BMAL2: variants seen among roughly 807,000 people sequenced by gnomAD.
BMAL2 encodes the protein basic helix-loop-helix ARNT like 2, also known as basic helix-loop-helix ARNT-like protein 2.
chr12:27,368,124 T>A, the BMAL2 span: 8 of 998,130 alleles, frequency 8.0e-6, 1 homozygote, highest in Non-Finnish European at 1.1e-5. Flanking sequence ...ATTACAGGCA[T>A]GAGCCACAGC....
chr12:27,381,395 CT>C, the BMAL2 span, among the ~76,000 whole-genome samples: 2 of 152,126 alleles, frequency 1.3e-5, no homozygotes, highest in East Asian at 3.9e-4. Flanking sequence ...AGCATGGTGG[CT>C]TCTGCTTCTG....
the BMAL2 span, among the ~76,000 whole-genome samples, chr12:27,359,637 G>A: frequency 1.1e-4 from 17 of 152,020 alleles, no homozygotes; most frequent in Non-Finnish European, 2.2e-4. Flanking sequence ...AGCCATGATT[G>A]CACCGCTGCA....
At chr12:27,360,868 T>TTC in the BMAL2 span, among the ~76,000 whole-genome samples, 1 of 144,110 alleles carries the variant, frequency 6.9e-6, no homozygotes, top group African/African-American at 2.6e-5. Flanking sequence ...ACAAAGATTT[T>TTC]TCCGGGTTTG....
At chr12:27,352,592 C>A in the BMAL2 span, among the ~76,000 whole-genome samples, 1 of 152,058 alleles carries the variant, frequency 6.6e-6, no homozygotes, top group Non-Finnish European at 1.5e-5. Flanking sequence ...GCAGTCCTAG[C>A]CAGAGCAGTC....
the BMAL2 span, chr12:27,423,347 T>C: frequency 9.5e-6 from 1 of 105,758 alleles, no homozygotes; most frequent in Non-Finnish European, 2.0e-5. Context: ...TTTTTTTTTT[T>C]GAGATGGAGT....
the BMAL2 span, chr12:27,400,673 G>A: frequency 2.1e-4 from 334 of 1,613,992 alleles, 3 homozygotes; most frequent in South Asian, 2.9e-3. Flanking sequence ...GAAGATTACA[G>A]CCATATATTG....
the BMAL2 span, among the ~76,000 whole-genome samples, chr12:27,410,154 A>C: frequency 6.6e-6 from 1 of 151,988 alleles, no homozygotes. Context: ...GTGGGACTGT[A>C]AACTAGTTCA....
the BMAL2 span, among the ~76,000 whole-genome samples, chr12:27,377,788 A>G: frequency 1.3e-5 from 2 of 152,158 alleles, no homozygotes; most frequent in Non-Finnish European, 2.9e-5. Flanking sequence ...AGAACAAAGT[A>G]TGAGTAGATA....
the BMAL2 span, among the ~76,000 whole-genome samples, chr12:27,404,544 A>G: frequency 6.6e-6 from 1 of 152,194 alleles, no homozygotes; most frequent in Non-Finnish European, 1.5e-5. Context: ...CTAGACTCCA[A>G]CTTTATTCTT....
chr12:27,400,776 TA>T, the BMAL2 span: 2 of 1,601,810 alleles, frequency 1.2e-6, no homozygotes, highest in Non-Finnish European at 1.7e-6. Flanking sequence ...AGATCAAAGG[TA>T]AACATTTACA....
the BMAL2 span, among the ~76,000 whole-genome samples, chr12:27,370,405 T>C: frequency 1.3e-5 from 2 of 152,184 alleles, no homozygotes; most frequent in South Asian, 2.1e-4. Flanking sequence ...AATGAAATTA[T>C]GGATGTCAAA....
the BMAL2 span, chr12:27,368,386 CA>C: frequency 6.2e-7 from 1 of 1,614,058 alleles, no homozygotes; most frequent in Non-Finnish European, 8.5e-7. Flanking sequence ...CACGAAAACG[CA>C]AAGGAAGTGA....
At chr12:27,346,048 G>A in the BMAL2 span, among the ~76,000 whole-genome samples, 4 of 152,212 alleles carry the variant, frequency 2.6e-5, no homozygotes, top group African/African-American at 7.2e-5. Flanking sequence ...GAGAGACAAT[G>A]TGTGAACAAA....
At chr12:27,415,015 G>GA in the BMAL2 span, among the ~76,000 whole-genome samples, 15 of 150,620 alleles carry the variant, frequency 1.0e-4, no homozygotes, top group African/African-American at 1.5e-4. Flanking sequence ...CAGAATCTTA[G>GA]AAAAAAAAAG....
At chr12:27,369,730 A>G in the BMAL2 span, among the ~76,000 whole-genome samples, 1 of 152,248 alleles carries the variant, frequency 6.6e-6, no homozygotes, top group Non-Finnish European at 1.5e-5. Context: ...ATATAGAGGT[A>G]GCCCAGCTTC....
At chr12:27,420,630 G>A in the BMAL2 span, 1 of 1,296,356 alleles carries the variant, frequency 7.7e-7, no homozygotes, top group Admixed American at 2.8e-5. Context: ...GATATTGTTT[G>A]TATCTTTTAT....
the BMAL2 span, among the ~76,000 whole-genome samples, chr12:27,355,774 TAACAGTCTTAAAATAAA>T: frequency 1.3e-5 from 2 of 152,188 alleles, no homozygotes; most frequent in Admixed American, 6.5e-5. Flanking sequence ...TCACAGAAAC[TAACAGTCTTAAAATAAA>T]AATTGACAGA....
chr12:27,411,394 A>T, the BMAL2 span, among the ~76,000 whole-genome samples: 1 of 152,044 alleles, frequency 6.6e-6, no homozygotes, highest in African/African-American at 2.4e-5. Flanking sequence ...AAGGTAGAGG[A>T]TCACTTGAGG....
chr12:27,377,830 AATCCTATCCACTTCG>A, the BMAL2 span, among the ~76,000 whole-genome samples: 3 of 152,164 alleles, frequency 2.0e-5, no homozygotes, highest in African/African-American at 7.2e-5. Context: ...ATTTAATCTG[AATCCTATCCACTTCG>A]CCCAACAGTG....
Sources: allele counts gnomAD v4.1 joint callset (sites outside exome capture counted in the v4.1 genomes callset), GRCh38; gene constraint gnomAD v4.1.1; transcripts MANE v1.5; gene names NCBI Gene and HGNC (gene_info 2026-07-23, HGNC 2026-07-21).